Variants in WWOX observed in about 807,000 individuals in gnomAD.
WWOX encodes WW domain-containing oxidoreductase.
In WWOX, 69 loss-of-function variants were observed where a neutral mutation model predicts 46.2. The ratio of observed to expected loss-of-function variants is 1.49; its 90% confidence interval spans 1.23 to 1.82. The LOEUF (loss-of-function observed/expected upper bound fraction) is 1.82, where lower values mean the gene tolerates loss of function less well. WWOX is among the 40% of genes most tolerant of loss of function. The pLI is 0.00. For missense variants in WWOX, 919 were observed against 542.6 expected (o/e 1.69, Z -6.89); for synonymous variants, 359 against 202.6 (o/e 1.77, Z -6.56).
intron 8 of WWOX, among the ~76,000 whole-genome samples, chr16:79,128,244 A>G (rs559907406): frequency 3.3e-5 from 5 of 152,294 alleles, no homozygotes; most frequent in African/African-American, 1.2e-4. Flanking sequence ...CTTACTCCTG[A>G]TCCCATTGGA....
At chr16:79,045,923 TC>T (rs1368906197) in intron 8 of WWOX, among the ~76,000 whole-genome samples, 1 of 147,834 alleles carries the variant, frequency 6.8e-6, no homozygotes, top group East Asian at 2.1e-4. Context: ...TGCCTCAGCC[TC>T]CCAAGTAGCT....
At chr16:79,066,712 C>T (rs1023393004) in intron 8 of WWOX, among the ~76,000 whole-genome samples, 1 of 152,194 alleles carries the variant, frequency 6.6e-6, no homozygotes, top group African/African-American at 2.4e-5. Context: ...GCCATGAGAG[C>T]CTGCCGCCTC....
chr16:78,687,387 G>T (rs1346470178), intron 8 of WWOX, among the ~76,000 whole-genome samples: 3 of 152,204 alleles, frequency 2.0e-5, no homozygotes, highest in Admixed American at 6.5e-5. Context: ...TTCATTTTCA[G>T]TGTGGCCTGA....
chr16:78,475,908 C>G (rs958891262), intron 8 of WWOX, among the ~76,000 whole-genome samples: 5 of 152,286 alleles, frequency 3.3e-5, no homozygotes, highest in Admixed American at 1.3e-4. Context: ...AGAACCTGGA[C>G]AAAGAGGTAT....
intron 8 of WWOX, among the ~76,000 whole-genome samples, chr16:78,823,461 A>C (rs527338318): frequency 6.6e-6 from 1 of 152,318 alleles, no homozygotes; most frequent in Non-Finnish European, 1.5e-5. Context: ...CATCACCTGA[A>C]TGTTCACCAT....
At chr16:78,112,654 TATGTTGAAA>T (rs1251062607) in intron 3 of WWOX, among the ~76,000 whole-genome samples, 17 of 151,368 alleles carry the variant, frequency 1.1e-4, no homozygotes, top group Admixed American at 2.6e-4. Flanking sequence ...GCATTGGTTG[TATGTTGAAA>T]ATGTTGAAAA....
intron 5 of WWOX, among the ~76,000 whole-genome samples, chr16:78,302,064 G>A (rs1048884943): frequency 3.3e-5 from 5 of 151,674 alleles, no homozygotes; most frequent in Admixed American, 6.6e-5. Flanking sequence ...GGGTTCAAGC[G>A]ATTCTCCTGC....
intron 5 of WWOX, among the ~76,000 whole-genome samples, chr16:78,300,393 T>C (rs2080018358): frequency 2.0e-5 from 3 of 152,024 alleles, no homozygotes; most frequent in Non-Finnish European, 4.4e-5. Flanking sequence ...GTGGAGGCCG[T>C]TACTCAGTGG....
At chr16:78,729,884 G>C (rs1401094768) in intron 8 of WWOX, among the ~76,000 whole-genome samples, 2 of 152,060 alleles carry the variant, frequency 1.3e-5, no homozygotes, top group South Asian at 2.1e-4. Context: ...AACCCACAGG[G>C]CTCTATTTAG....
intron 8 of WWOX, among the ~76,000 whole-genome samples, chr16:78,716,207 G>T (rs186042770): frequency 9.2e-5 from 14 of 152,164 alleles, no homozygotes; most frequent in Admixed American, 2.6e-4. Flanking sequence ...ACATAGGGCC[G>T]TGTAGAGGCA....
chr16:78,316,312 T>C (rs908187969), intron 5 of WWOX, among the ~76,000 whole-genome samples: 1 of 152,150 alleles, frequency 6.6e-6, no homozygotes, highest in Non-Finnish European at 1.5e-5. Flanking sequence ...GTACCTCAGA[T>C]GGCTTTGTTA....
At chr16:79,104,112 G>A (rs1048159682) in intron 8 of WWOX, among the ~76,000 whole-genome samples, 4 of 147,584 alleles carry the variant, frequency 2.7e-5, no homozygotes, top group African/African-American at 9.9e-5. Flanking sequence ...TTCTTTTTCA[G>A]CCCTGGGAGG....
intron 8 of WWOX, among the ~76,000 whole-genome samples, chr16:78,948,424 A>T (rs944762182): frequency 5.9e-5 from 9 of 152,160 alleles, no homozygotes; most frequent in African/African-American, 1.9e-4. Flanking sequence ...CTAGACTGAA[A>T]AATCCATTTT....
intron 8 of WWOX, among the ~76,000 whole-genome samples, chr16:78,762,333 A>T (rs866738219): frequency 2.0e-5 from 3 of 152,168 alleles, no homozygotes; most frequent in South Asian, 2.1e-4. Flanking sequence ...GAGGTACAGA[A>T]TCTCAGGCCT....
At chr16:78,863,677 C>G (rs144819107) in intron 8 of WWOX, among the ~76,000 whole-genome samples, 4 of 152,172 alleles carry the variant, frequency 2.6e-5, no homozygotes, top group Non-Finnish European at 5.9e-5. Context: ...GTGCCTCGCA[C>G]ACAGCAAGTG....
chr16:79,118,782 C>A (rs571274985), intron 8 of WWOX, among the ~76,000 whole-genome samples: 1 of 152,184 alleles, frequency 6.6e-6, no homozygotes. Flanking sequence ...CATTGCCATA[C>A]GCCCATTTGG....
At chr16:78,750,859 G>A (rs981175594) in intron 8 of WWOX, among the ~76,000 whole-genome samples, 14 of 152,132 alleles carry the variant, frequency 9.2e-5, no homozygotes, top group Non-Finnish European at 1.9e-4. Flanking sequence ...ATTTCGTGGT[G>A]TATACGTACC....
chr16:79,089,211 C>G (rs937329282), intron 8 of WWOX, among the ~76,000 whole-genome samples: 7 of 152,074 alleles, frequency 4.6e-5, no homozygotes, highest in African/African-American at 9.7e-5. Context: ...AGTCTCTACT[C>G]ATGTTTTATA....
intron 4 of WWOX, among the ~76,000 whole-genome samples, chr16:78,115,593 C>G (rs2032738601): frequency 6.6e-6 from 1 of 152,154 alleles, no homozygotes. Context: ...ATATCATTTT[C>G]TTTTGGGCAC....
Sources: gnomAD v4.1 joint callset for allele counts (sites outside exome capture counted in the v4.1 genomes callset) on GRCh38, gnomAD v4.1.1 for gene constraint, MANE v1.5 for transcripts, NCBI Gene and HGNC (gene_info 2026-07-23, HGNC 2026-07-21) for gene names.